The following SPATA31H1 variants were observed in gnomAD, a reference collection of about 807,000 sequenced individuals.
SPATA31H1 encodes the protein spermatogenesis-associated protein 31H1.
At chr2:27,555,623 A>G in the SPATA31H1 span, among the ~76,000 whole-genome samples, 2 of 151,708 alleles carry the variant, frequency 1.3e-5, no homozygotes, top group African/African-American at 4.9e-5. Flanking sequence ...ACAGTGAGCT[A>G]TGATTGTGTC....
the SPATA31H1 span, chr2:27,567,418 A>G: frequency 2.1e-6 from 1 of 465,348 alleles, no homozygotes; most frequent in Non-Finnish European, 3.8e-6. Flanking sequence ...CCCCAAACTC[A>G]GTTATCTATG....
chr2:27,569,001 T>A, the SPATA31H1 span: 1 of 398,976 alleles, frequency 2.5e-6, no homozygotes, highest in Non-Finnish European at 4.4e-6. Context: ...CTCTGACAAC[T>A]GTCACCAAGT....
chr2:27,580,648 G>A, the SPATA31H1 span: 10 of 1,614,066 alleles, frequency 6.2e-6, no homozygotes, highest in East Asian at 2.2e-5. Flanking sequence ...AGCCTAAAGC[G>A]GGCATTCCAA....
the SPATA31H1 span, chr2:27,578,508 C>T: frequency 1.2e-6 from 2 of 1,614,060 alleles, no homozygotes; most frequent in Non-Finnish European, 1.7e-6. Flanking sequence ...ACTGATAGTA[C>T]CTGCAGAATT....
the SPATA31H1 span, among the ~76,000 whole-genome samples, chr2:27,565,790 A>G: frequency 1.5e-4 from 23 of 152,210 alleles, no homozygotes; most frequent in South Asian, 4.6e-3. Flanking sequence ...CCCTACTCTC[A>G]CTGCTTATTA....
At chr2:27,578,878 A>G in the SPATA31H1 span, 1 of 1,613,910 alleles carries the variant, frequency 6.2e-7, no homozygotes, top group African/African-American at 1.3e-5. Context: ...GATATAAAAA[A>G]CCCTGGGACA....
chr2:27,559,329 A>G, the SPATA31H1 span, among the ~76,000 whole-genome samples: 1 of 152,174 alleles, frequency 6.6e-6, no homozygotes, highest in Non-Finnish European at 1.5e-5. Flanking sequence ...CGGGGATTCC[A>G]GCTGAAAGCC....
the SPATA31H1 span, among the ~76,000 whole-genome samples, chr2:27,558,628 C>G: frequency 1.9e-4 from 2 of 10,372 alleles, no homozygotes; most frequent in African/African-American, 9.0e-4. Flanking sequence ...ACTGAGTGAA[C>G]GAGACTCCAT....
At chr2:27,580,091 G>A in the SPATA31H1 span, 4 of 1,613,986 alleles carry the variant, frequency 2.5e-6, no homozygotes, top group Non-Finnish European at 3.4e-6. Flanking sequence ...TGAGAATTGG[G>A]AAAAGATCCC....
the SPATA31H1 span, chr2:27,569,790 A>T: frequency 5.0e-6 from 2 of 398,940 alleles, no homozygotes; most frequent in Non-Finnish European, 8.8e-6. Flanking sequence ...TGTGGATTTA[A>T]ATCTAGGCCC....
the SPATA31H1 span, chr2:27,572,759 A>T: frequency 2.5e-6 from 1 of 397,720 alleles, no homozygotes; most frequent in Non-Finnish European, 4.4e-6. Flanking sequence ...TCAAACCTGG[A>T]GAGTCGAAAT....
chr2:27,560,917 A>G, the SPATA31H1 span, among the ~76,000 whole-genome samples: 1 of 152,090 alleles, frequency 6.6e-6, no homozygotes, highest in Non-Finnish European at 1.5e-5. Context: ...CTTCTCAGGG[A>G]TTTCACCCCA....
At chr2:27,561,030 AG>A in the SPATA31H1 span, among the ~76,000 whole-genome samples, 1 of 152,302 alleles carries the variant, frequency 6.6e-6, no homozygotes, top group South Asian at 2.1e-4. Context: ...GCATGTGGGA[AG>A]GTCTTCTACT....
the SPATA31H1 span, chr2:27,579,986 C>T: frequency 6.2e-7 from 1 of 1,614,134 alleles, no homozygotes; most frequent in East Asian, 2.2e-5. Flanking sequence ...AATTACAGAC[C>T]ACTTCGGGGC....
chr2:27,542,516 AT>A, the SPATA31H1 span, among the ~76,000 whole-genome samples: 1 of 152,074 alleles, frequency 6.6e-6, no homozygotes, highest in Non-Finnish European at 1.5e-5. Context: ...TATTTGATAT[AT>A]TTGACAGATA....
At chr2:27,575,366 G>T in the SPATA31H1 span, 2 of 398,494 alleles carry the variant, frequency 5.0e-6, no homozygotes, top group East Asian at 7.1e-5. This position sits in a 1 kb window ranked among gnomAD's most constrained non-coding sequence, Gnocchi z 4.1. Context: ...AGCCACATCT[G>T]CAACATAGAA....
chr2:27,582,409 C>T, the SPATA31H1 span: 25 of 1,614,114 alleles, frequency 1.5e-5, no homozygotes, highest in South Asian at 2.5e-4. Context: ...TACAGTTTCC[C>T]TGGAGAGAGG....
At chr2:27,582,312 G>A in the SPATA31H1 span, 1 of 1,614,160 alleles carries the variant, frequency 6.2e-7, no homozygotes, top group Non-Finnish European at 8.5e-7. Context: ...CAGTCCCTCT[G>A]AGATGAGGCC....
At chr2:27,542,875 T>A in the SPATA31H1 span, among the ~76,000 whole-genome samples, 2 of 152,076 alleles carry the variant, frequency 1.3e-5, no homozygotes, top group Admixed American at 6.5e-5. Flanking sequence ...GGCAGGCGGA[T>A]CACCTGAGGT....
Sources: allele counts gnomAD v4.1 joint callset (sites outside exome capture counted in the v4.1 genomes callset), GRCh38; gene constraint gnomAD v4.1.1; non-coding constraint Gnocchi (gnomAD v3.1); transcripts MANE v1.5; gene names NCBI Gene and HGNC (gene_info 2026-07-23, HGNC 2026-07-21).